U2SURP: variants seen among roughly 807,000 people sequenced by gnomAD.
U2SURP encodes U2 snRNP-associated SURP motif-containing protein.
A neutral mutation model predicts 144.9 loss-of-function variants in U2SURP; 9 were observed. The ratio of observed to expected loss-of-function variants is 0.06; its 90% CI spans 0.04 to 0.11. U2SURP has a LOEUF of 0.11. Ranked by LOEUF, U2SURP falls within the 10% of genes least tolerant of loss-of-function variation. The pLI is 1.00. For missense variants in U2SURP, 724 were observed against 1,226.7 expected (o/e 0.59, Z 6.12); for synonymous variants, 408 against 396.8 (o/e 1.03, Z -0.33).
chr3:143,023,746 G>A (rs1282927305), intron 12 of U2SURP, among the ~76,000 whole-genome samples: 1 of 152,116 alleles, frequency 6.6e-6, no homozygotes, highest in African/African-American at 2.4e-5. Context: ...GTGCATTCTG[G>A]CAGGAATGTT....
chr3:143,028,054 A>G (rs780737494), intron 14 of U2SURP, among the ~76,000 whole-genome samples: 16 of 152,122 alleles, frequency 1.1e-4, no homozygotes, highest in Admixed American at 2.0e-4. Context: ...AAATCTCTCC[A>G]TTGCCAGACA....
intron 1 of U2SURP, among the ~76,000 whole-genome samples, chr3:143,007,016 A>G (rs144025040): frequency 5.2e-4 from 79 of 152,304 alleles, no homozygotes; most frequent in African/African-American, 1.9e-3. Context: ...TTTCACTTAA[A>G]GTAAAATTGG....
At chr3:143,002,821 A>T (rs1935607094) in intron 1 of U2SURP, among the ~76,000 whole-genome samples, 1 of 152,244 alleles carries the variant, frequency 6.6e-6, no homozygotes, top group South Asian at 2.1e-4. Context: ...GTCTTAACAG[A>T]CATCGTTTAG....
chr3:143,017,514 T>G (rs760131053), intron 6 of U2SURP, among the ~76,000 whole-genome samples: 26 of 152,074 alleles, frequency 1.7e-4, no homozygotes, highest in Admixed American at 3.9e-4. Context: ...TAAATATGAT[T>G]GCATTGAATA....
intron 1 of U2SURP, among the ~76,000 whole-genome samples, chr3:143,004,466 C>T (rs373910944): frequency 1.5e-5 from 2 of 137,916 alleles, no homozygotes; most frequent in Non-Finnish European, 3.1e-5. Flanking sequence ...TGGGTTCAAG[C>T]AATTCTTCTG....
At chr3:143,045,738 G>A (rs1307461473) in intron 24 of U2SURP, among the ~76,000 whole-genome samples, 1 of 152,194 alleles carries the variant, frequency 6.6e-6, no homozygotes, top group Non-Finnish European at 1.5e-5. Context: ...TGCTTTCATA[G>A]TGACTGCCTC....
intron 13 of U2SURP, among the ~76,000 whole-genome samples, chr3:143,025,601 C>A (rs1228466902): frequency 6.6e-6 from 1 of 152,014 alleles, no homozygotes; most frequent in Non-Finnish European, 1.5e-5. Flanking sequence ...TGTCATTAAC[C>A]ATATGAATGC....
intron 8 of U2SURP, among the ~76,000 whole-genome samples, chr3:143,020,964 A>C (rs1285583978): frequency 1.3e-5 from 2 of 151,786 alleles, no homozygotes; most frequent in Non-Finnish European, 2.9e-5. Context: ...GGCCGAGGCA[A>C]GTGGATTACC....
At chr3:143,015,600 C>T (rs764429362) in intron 4 of U2SURP, among the ~76,000 whole-genome samples, 1 of 152,044 alleles carries the variant, frequency 6.6e-6, no homozygotes, top group African/African-American at 2.4e-5. Context: ...ATTCAGTTAT[C>T]CTAGTATCAT....
chr3:143,007,444 A>T (rs1170652138), intron 1 of U2SURP, among the ~76,000 whole-genome samples: 9 of 118,248 alleles, frequency 7.6e-5, no homozygotes, highest in African/African-American at 1.0e-4. Flanking sequence ...CTTTCAAGAG[A>T]TTTTTTTTTT....
At chr3:143,049,568 T>G (rs1934740021) in intron 24 of U2SURP, among the ~76,000 whole-genome samples, 1 of 152,160 alleles carries the variant, frequency 6.6e-6, no homozygotes, top group Non-Finnish European at 1.5e-5. Flanking sequence ...TCCATGTGCT[T>G]TCTACCACTT....
Sources: gnomAD v4.1 joint callset for allele counts (sites outside exome capture counted in the v4.1 genomes callset) on GRCh38, gnomAD v4.1.1 for gene constraint, MANE v1.5 for transcripts, NCBI Gene and HGNC (gene_info 2026-07-23, HGNC 2026-07-21) for gene names.